BCL6: variants seen among roughly 807,000 people sequenced by gnomAD.
The protein encoded by BCL6 is BCL6 transcription repressor.
Under a neutral mutation model 59.5 loss-of-function variants are expected in BCL6, and 7 were observed. The ratio of observed to expected loss-of-function variants is 0.12; its 90% CI spans 0.07 to 0.22. BCL6 has a LOEUF of 0.22. BCL6 is among the 10% of genes least tolerant of loss of function. The pLI, the probability that BCL6 is intolerant of heterozygous loss-of-function variation, is 1.00. For synonymous variants in BCL6, 339 were observed against 349.7 expected (o/e 0.97, Z 0.34); for missense variants, 685 against 939.4 (o/e 0.73, Z 3.54).
chr3:187,725,425 T>G lies in BCL6; in HGVS notation c.1839+74A>C. On this transcript the variant is annotated intron_variant, in intron 8 of 9. Coordinates refer to ENST00000406870, the MANE Select transcript of BCL6 (RefSeq NM_001706.5). The surrounding 1 kb of genome is among the most constrained non-coding windows in gnomAD (Gnocchi z 4.7). ...CCACTTGCCTGCCCACTCCTCCGCTTGCCTGCCCACTCCTCCGCTCGCCTG... is the reference window on the plus strand; with the variant it reads ...CCACTTGCCTGCCCACTCCTCCGCTGGCCTGCCCACTCCTCCGCTCGCCTG... The G allele has an allele frequency of 6.4e-7, 1 of 1,568,304 alleles. No individual in the cohort carries two copies. The highest frequency in any genetic ancestry group is 8.6e-7 in the Non-Finnish European group (1 of 1,156,164).
At chr3:187,744,870 G>A (rs1296410108) in intron 1 of BCL6, among the ~76,000 whole-genome samples, 2 of 152,300 alleles carry the variant, frequency 1.3e-5, no homozygotes, top group African/African-American at 2.4e-5. Flanking sequence ...CACGAATCCA[G>A]AGAGATCACA....
chr3:187,735,166 C>T (rs1719228617), intron 1 of BCL6, among the ~76,000 whole-genome samples: 1 of 152,182 alleles, frequency 6.6e-6, no homozygotes, highest in Non-Finnish European at 1.5e-5. Context: ...GTTATACATA[C>T]ATACATACAT....
In BCL6 at chr3:187,729,638, C is replaced by T. The variant is rs1379487528; in HGVS notation, c.767G>A (p.Ser256Asn). Residue 256 changes from serine (S) to asparagine (N), a missense_variant, in exon 5 of 10, where the codon AGC (serine) becomes AAC (asparagine). Ser to Asn is a conservative substitution (Grantham distance 46). Coordinates refer to ENST00000406870, the MANE Select transcript of BCL6 (RefSeq NM_001706.5). The surrounding 1 kb of genome is among the most constrained non-coding windows in gnomAD (Gnocchi z 5.6). The part of the protein sequence containing the change: ...TLEVSPNVCH[S>N]NIYSPKETIP... The stretch of plus-strand genomic sequence containing the variant: ...TGTTTCCTTGGGTGAATAGATATTG[C>T]TGTGGCACACATTGGGGGACACCTC... 6.2e-7 allele frequency: 1 copy of T among 1,614,068 alleles called. No homozygotes were observed. The highest frequency in any genetic ancestry group is 1.7e-5 in the Admixed American group (1 of 60,006).
intron 9 of BCL6, 87 bp downstream of exon 9, chr3:187,724,854 T>C (rs566972919): frequency 8.2e-6 from 12 of 1,469,896 alleles, no homozygotes; most frequent in African/African-American, 7.1e-5. Flanking sequence ...ACTGCCTCCC[T>C]GCTCCACCTC....
intron 2 of BCL6, among the ~76,000 whole-genome samples, chr3:187,734,277 C>T (rs1010572910): frequency 4.6e-5 from 7 of 152,114 alleles, no homozygotes; most frequent in Non-Finnish European, 8.8e-5. Flanking sequence ...CTCCTGACCT[C>T]GTGATCTGCC....
At position 187,728,400 on chromosome 3, in the gene BCL6, C is replaced by A; in HGVS notation, c.1500G>T (p.Glu500Asp). 1.2e-6 allele frequency: 2 copies of A among 1,608,732 alleles called. No homozygotes were observed. Among genetic ancestry groups the A allele is most frequent in the African/African-American group, 1.3e-5 (1 of 74,996 alleles). Residue 500 changes from glutamate (E) to aspartate (D), a missense_variant, in exon 6 of 10, where the codon GAG becomes GAT. This residue lies in a region of BCL6 where 207 missense variants were observed against 213.7 expected (regional missense o/e 0.97). Coordinates refer to ENST00000406870, the MANE Select transcript of BCL6 (RefSeq NM_001706.5). ...AGTACTCAGACTGGGTCTCTCCCATCTCCTCAGGGAACGTGGGGCCAGCGG... is the reference window on the plus strand; with the variant it reads ...AGTACTCAGACTGGGTCTCTCCCATATCCTCAGGGAACGTGGGGCCAGCGG... ...LHTAGPTFPEEMGETQSEYSD... is the reference protein window; with the variant it reads ...LHTAGPTFPEDMGETQSEYSD...
At chr3:187,735,076 G>A (rs751608570) in intron 1 of BCL6, 169 bp from the exon 2 acceptor site, 4 of 152,184 alleles carry the variant, frequency 2.6e-5, no homozygotes, top group Non-Finnish European at 5.9e-5. Context: ...CTGCTCTTAC[G>A]GAAACAACAG....
intron 1 of BCL6, among the ~76,000 whole-genome samples, chr3:187,744,372 T>C (rs1711772915): frequency 6.7e-6 from 1 of 149,794 alleles, no homozygotes; most frequent in African/African-American, 2.4e-5. Context: ...CTCCTCGGGA[T>C]GAGCAGGGAG....
Position 187,725,428 on chromosome 3 carries a change from C to T in BCL6, c.1839+71G>A. On this transcript the variant is annotated intron_variant, in intron 8 of 9. Transcript: ENST00000406870. The surrounding 1 kb of genome is among the most constrained non-coding windows in gnomAD (Gnocchi z 4.7). The stretch of plus-strand genomic sequence containing the variant: ...CTTGCCTGCCCACTCCTCCGCTTGC[C>T]TGCCCACTCCTCCGCTCGCCTGCCC... 1.3e-6 allele frequency: 2 copies of T among 1,588,446 alleles called. No individual in the cohort carries two copies. The highest frequency in any genetic ancestry group is 2.3e-5 in the South Asian group (2 of 88,876).
intron 1 of BCL6, among the ~76,000 whole-genome samples, chr3:187,744,676 G>A (rs954231907): frequency 1.3e-5 from 2 of 152,192 alleles, no homozygotes; most frequent in Non-Finnish European, 2.9e-5. Context: ...GAGGCCGATG[G>A]AAGAGAGCCA....
At chr3:187,742,048 T>C (rs1410965740) in intron 1 of BCL6, among the ~76,000 whole-genome samples, 1 of 152,216 alleles carries the variant, frequency 6.6e-6, no homozygotes, top group Non-Finnish European at 1.5e-5. Flanking sequence ...ACATTTTTCT[T>C]CCCTACTTGA....
At chr3:187,737,972 G>A (rs1719369769) in intron 1 of BCL6, 1 of 151,944 alleles carries the variant, frequency 6.6e-6, no homozygotes, top group Non-Finnish European at 1.5e-5. Flanking sequence ...CTGGCCGCCG[G>A]GGATTCACCC....
At chr3:187,731,396 T>C (rs1014251026) in intron 4 of BCL6, among the ~76,000 whole-genome samples, 3 of 151,996 alleles carry the variant, frequency 2.0e-5, no homozygotes, top group Non-Finnish European at 4.4e-5. Context: ...AGGAAAAGTG[T>C]TAATCAGAAA....
intron 1 of BCL6, among the ~76,000 whole-genome samples, chr3:187,744,274 G>A (rs1359609613): frequency 1.3e-5 from 2 of 152,148 alleles, no homozygotes; most frequent in East Asian, 1.9e-4. Context: ...GGTTCCCTGA[G>A]TCCCCCCGCA....
rs200152004 is a variant in BCL6, at chr3:187,721,974, T to A, written c.*484A>T. 1 of 161,750 alleles carries A rather than the reference T, an allele frequency of 6.2e-6. No homozygotes were observed. The highest frequency in any genetic ancestry group is 1.3e-5 in the Non-Finnish European group (1 of 76,248). The allele number at this position is 161,750 out of a possible 1,614,324, so 10.0% of individuals were successfully genotyped here. On this transcript the variant is annotated 3_prime_UTR_variant, in exon 10 of 10. Coordinates refer to ENST00000406870, the MANE Select transcript of BCL6 (RefSeq NM_001706.5). This position sits in a 1 kb window ranked among gnomAD's most constrained non-coding sequence, Gnocchi z 4.2. Reference sequence around the variant, plus strand: ...ATATTTATTTTATATATATATATATTTATATATTTACAACTCTGCCATATA... The same window carrying A: ...ATATTTATTTTATATATATATATATATATATATTTACAACTCTGCCATATA...
chr3:187,725,886 G>A lies in BCL6; in HGVS notation c.1709-257C>T, dbSNP rs1370540571. Reference sequence around the variant, plus strand: ...TGGCACGGAGTAGCAACAATGCCAGGTGTGGGATAGGAGAGGGGGAGATTC... The same window carrying A: ...TGGCACGGAGTAGCAACAATGCCAGATGTGGGATAGGAGAGGGGGAGATTC... On this transcript the variant is annotated intron_variant, in intron 7 of 9. Coordinates refer to ENST00000406870, the MANE Select transcript of BCL6 (RefSeq NM_001706.5). This position sits in a 1 kb window ranked among gnomAD's most constrained non-coding sequence, Gnocchi z 4.7. Among the ~76,000 whole-genome samples the A allele has an allele frequency of 6.6e-6, 1 of 152,238 alleles. No homozygotes were observed. The highest frequency in any genetic ancestry group is 6.5e-5 in the Admixed American group (1 of 15,286).
rs1404144207 is a variant in BCL6 at position 187,724,928 on chromosome 3, G to A, written c.1977+13C>T. The A allele has an allele frequency of 3.1e-6, 5 of 1,614,108 alleles. No individual in the cohort carries two copies. Among genetic ancestry groups the A allele is most frequent in the Non-Finnish European group, 3.4e-6 (4 of 1,179,990 alleles). ...CCCGCAGGTCAGAGAGCGGCCTCAA[G>A]AGGCTTACGTACATGGTAAGGTTTC... On this transcript the variant is annotated intron_variant, in intron 9 of 9. Coordinates refer to ENST00000406870, the MANE Select transcript of BCL6 (RefSeq NM_001706.5).
chr3:187,721,932 C>G lies in BCL6; in HGVS notation c.*526G>C, dbSNP rs1234716065. On this transcript the variant is annotated 3_prime_UTR_variant, in exon 10 of 10. Transcript: ENST00000406870. This position sits in a 1 kb window ranked among gnomAD's most constrained non-coding sequence, Gnocchi z 4.2. The stretch of plus-strand genomic sequence containing the variant: ...ACGCAGTTTTATATTTTTAATATAT[C>G]TTTTTTAGGTTTATATATATTTATT... The G allele has an allele frequency of 5.3e-6, 1 of 189,516 alleles. No homozygotes were observed. Among genetic ancestry groups the G allele is most frequent in the Non-Finnish European group, 1.1e-5 (1 of 93,328 alleles). The allele number at this position is 189,516 out of a possible 1,614,324, so 11.7% of individuals were successfully genotyped here.
chr3:187,745,246 A>C (rs534436520), intron 1 of BCL6, among the ~76,000 whole-genome samples, 164 bp downstream of exon 1: 2 of 152,302 alleles, frequency 1.3e-5, no homozygotes, highest in African/African-American at 2.4e-5. Flanking sequence ...ATCAATAGAT[A>C]CACATAGAAA....
Sources: gnomAD v4.1 joint callset for allele counts (sites outside exome capture counted in the v4.1 genomes callset) on GRCh38, gnomAD v4.1.1 for gene constraint, gnomAD v4.1.1 regional missense constraint, Gnocchi (gnomAD v3.1) non-coding constraint, MANE v1.5 for transcripts, NCBI Gene and HGNC (gene_info 2026-07-23, HGNC 2026-07-21) for gene names.